Variants in PLXNA1 observed in about 807,000 individuals in gnomAD.
The protein encoded by PLXNA1 is plexin-A1.
A neutral mutation model predicts 191.7 loss-of-function variants in PLXNA1; 77 were observed. The ratio of observed to expected loss-of-function variants is 0.40; its 90% CI spans 0.33 to 0.49. The LOEUF (loss-of-function observed/expected upper bound fraction) is 0.49. Ranked by LOEUF, PLXNA1 falls within the 20% of genes least tolerant of loss-of-function variation. PLXNA1 has a pLI of 0.63. For synonymous variants in PLXNA1, 1,137 were observed against 1,156.4 expected, an observed-to-expected ratio of 0.98 and a Z score of 0.34; for missense variants, 2,110 against 2,660.2, an observed-to-expected ratio of 0.79 and a Z score of 4.55.
At chr3:127,003,251 C>A in intron 3 of PLXNA1, 79 bp from the exon 4 acceptor site, 1 of 1,467,876 alleles carries the variant, frequency 6.8e-7, no homozygotes. Flanking sequence ...GGGCTTTAGA[C>A]CCCTGACCTT....
Position 127,014,358 on chromosome 3 carries a change from G to A in PLXNA1, c.2587G>A (p.Asp863Asn), listed in dbSNP as rs367569800. Residue 863 changes from aspartate to asparagine, a missense_variant, in exon 12 of 32, where the codon GAC becomes AAC. Coordinates refer to ENST00000393409, the MANE Select transcript of PLXNA1 (RefSeq NM_032242.4). ...HARHGSSRCT[D>N]PKILKLSPET... ...GCGTCACGGCAGCAGTCGCTGCACC[G>A]ACCCCAAGATCCTCAAGGTAGGGCC... 136 of 1,592,988 alleles carry A rather than the reference G, an allele frequency of 8.5e-5. 1 individual carries two copies. The highest frequency in any genetic ancestry group is 5.3e-4 in the South Asian group (47 of 89,450).
At chr3:127,028,152 G>A (rs774241636) in intron 24 of PLXNA1, 29 bp from the exon 25 acceptor site, 53 of 1,612,930 alleles carry the variant, frequency 3.3e-5, no homozygotes, top group Middle Eastern at 1.6e-4. Context: ...TGGGGCTGAC[G>A]CTGCCCCCTT....
At chr3:127,020,588 T>C (rs924811054) in intron 21 of PLXNA1, among the ~76,000 whole-genome samples, 1 of 152,110 alleles carries the variant, frequency 6.6e-6, no homozygotes, top group Non-Finnish European at 1.5e-5. Flanking sequence ...CCAGCACGGC[T>C]CTGCTCCATA....
intron 21 of PLXNA1, 82 bp downstream of exon 21, chr3:127,020,426 G>A (rs2079146674): frequency 9.8e-6 from 15 of 1,537,282 alleles, no homozygotes; most frequent in Non-Finnish European, 1.3e-5. Flanking sequence ...GGGTGCTGAT[G>A]GATGGTATGG....
At chr3:127,004,001 C>T (rs773792423) in intron 4 of PLXNA1, among the ~76,000 whole-genome samples, 2 of 152,266 alleles carry the variant, frequency 1.3e-5, no homozygotes, top group East Asian at 3.9e-4. Flanking sequence ...ATGGCCCAAC[C>T]TGGTAACCTC....
chr3:127,006,141 G>A lies in PLXNA1; in HGVS notation c.1960G>A (p.Val654Met). 1 of 1,613,812 alleles carries A rather than the reference G, an allele frequency of 6.2e-7. No individual in the cohort carries two copies. The highest frequency in any genetic ancestry group is 8.5e-7 in the Non-Finnish European group (1 of 1,179,986). ...SKETGKKFAS[V>M]DFVFYNCSVH... ...GGAGACAGGGAAGAAGTTTGCGTCT[G>A]TGGACTTCGTCTTCTACAACTGCAG... Residue 654 changes from valine to methionine, a missense_variant, in exon 8 of 32, where the codon GTG becomes ATG. By Grantham distance (21) the Val-to-Met change is conservative. This residue lies in a region of PLXNA1 where 903 missense variants were observed against 1,015.7 expected (regional missense o/e 0.89). Transcript: ENST00000393409.
Position 127,016,615 on chromosome 3 carries a change from C to G in PLXNA1, c.3113C>G (p.Pro1038Arg), listed in dbSNP as rs757810446. The G allele has an allele frequency of 6.2e-7, 1 of 1,614,072 alleles. No homozygotes were observed. Among genetic ancestry groups the G allele is most frequent in the East Asian group, 2.2e-5 (1 of 44,868 alleles). Reference sequence around the variant, plus strand: ...ATCAACCGCGCCCAGCTCACCAACCCTGAGGTGAAGTACAACTACACCGAG... The same window carrying G: ...ATCAACCGCGCCCAGCTCACCAACCGTGAGGTGAAGTACAACTACACCGAG... ...ININRAQLTN[P>R]EVKYNYTEDP... Residue 1038 changes from proline (P) to arginine (R), a missense_variant, in exon 16 of 32, where the codon CCT becomes CGT. Coordinates refer to ENST00000393409, the MANE Select transcript of PLXNA1 (RefSeq NM_032242.4).
At chr3:126,984,417 G>C (rs1256770120) in intron 1 of PLXNA1, among the ~76,000 whole-genome samples, 1 of 152,234 alleles carries the variant, frequency 6.6e-6, no homozygotes, top group East Asian at 1.9e-4. Context: ...TCGGTGCAGG[G>C]ATGGGGCGCA....
chr3:126,997,278 C>T (rs1252488302), intron 3 of PLXNA1, among the ~76,000 whole-genome samples: 1 of 152,184 alleles, frequency 6.6e-6, no homozygotes, highest in South Asian at 2.1e-4. Context: ...GGGGTTTCAG[C>T]CTGGGAGCAA....
intron 1 of PLXNA1, among the ~76,000 whole-genome samples, chr3:126,986,779 A>C (rs1367157333): frequency 6.6e-6 from 1 of 152,190 alleles, no homozygotes; most frequent in Non-Finnish European, 1.5e-5. Context: ...AGGGGCACAG[A>C]GGCCTGGGGG....
chr3:126,983,297 G>T lies in PLXNA1; in HGVS notation c.-74+10G>T, dbSNP rs1406951028. ...CGCCCCGGGGCGGCGGGTGAGTCGG[G>T]GCGCAACTTTCCCCGCGGCGCGGGA... On this transcript the variant is annotated intron_variant, in intron 1 of 31. Transcript: ENST00000393409. 6.9e-6 allele frequency among the ~76,000 whole-genome samples: 1 copy of T among 144,494 alleles called. No homozygotes were observed. Among genetic ancestry groups the T allele is most frequent in the Non-Finnish European group, 1.5e-5 (1 of 65,062 alleles). 94.8% of individuals were successfully genotyped at this position (144,494 alleles called of 152,430 possible).
Position 126,983,665 on chromosome 3 carries a change from G to C in PLXNA1, c.-74+378G>C, listed in dbSNP as rs1396722545. Among the ~76,000 whole-genome samples the C allele has an allele frequency of 1.1e-4, 16 of 150,782 alleles. No homozygotes were observed. In the East Asian group the frequency reaches 3.1e-3, roughly 30 times the overall value. On this transcript the variant is annotated intron_variant, in intron 1 of 31. Coordinates refer to ENST00000393409, the MANE Select transcript of PLXNA1 (RefSeq NM_032242.4). ...CCGCGGCAGCTCCGGGGTGGCGGGGGGCGGGCGCTGCCCCTCCACGGAGGC... is the reference window on the plus strand; with the variant it reads ...CCGCGGCAGCTCCGGGGTGGCGGGGCGCGGGCGCTGCCCCTCCACGGAGGC...
rs773809530 is a variant in PLXNA1, at chr3:127,004,699, T to C, written c.1607T>C (p.Val536Ala). 6.3e-7 allele frequency: 1 copy of C among 1,588,564 alleles called. No homozygotes were observed. The highest frequency in any genetic ancestry group is 1.8e-5 in the Admixed American group (1 of 55,606). ...CGGGACCCCCACTGTGGCTGGTGTG[T>C]CCTGCACAGCATGTGAGTCTGGGCA... is the stretch of plus-strand genomic sequence containing the variant. The part of the protein sequence containing the change: ...GSRDPHCGWC[V>A]LHSICSRRDA... The change falls in exon 5 of 32, where the codon GTC becomes GCC. Residue 536 changes from valine to alanine, a missense_variant. Val to Ala is a moderately conservative substitution (Grantham distance 64, BLOSUM62 0). Transcript: ENST00000393409.
Position 127,017,827 on chromosome 3 carries a change from C to T in PLXNA1, c.3595C>T (p.Leu1199Phe), listed in dbSNP as rs774152563. Residue 1199 changes from leucine to phenylalanine, a missense_variant, in exon 19 of 32, where the codon CTC becomes TTC. Physicochemically the swap from Leu to Phe is conservative, Grantham distance 22. Transcript: ENST00000393409. Reference sequence around the variant, plus strand: ...GCTCATCGGCTCCACACCCTGTACCCTCACCGTGTCGGAGACGCAACTGCT... The same window carrying T: ...GCTCATCGGCTCCACACCCTGTACCTTCACCGTGTCGGAGACGCAACTGCT... ...TVLIGSTPCT[L>F]TVSETQLLCE... 10 of 1,613,080 alleles carry T rather than the reference C, an allele frequency of 6.2e-6. No homozygotes were observed. The South Asian group carries it at 1.1e-4, about 18-fold the overall frequency.
At chr3:127,020,929 C>T (rs771836672) in intron 21 of PLXNA1, among the ~76,000 whole-genome samples, 2 of 152,170 alleles carry the variant, frequency 1.3e-5, no homozygotes, top group Non-Finnish European at 2.9e-5. Flanking sequence ...ACCTTGGCAG[C>T]GAGCCTGGCG....
chr3:127,009,734 G>T (rs564966574), intron 9 of PLXNA1, among the ~76,000 whole-genome samples: 1 of 152,270 alleles, frequency 6.6e-6, no homozygotes, highest in African/African-American at 2.4e-5. Flanking sequence ...CCCTTCTTGT[G>T]CCTGCCTGCA....
rs1209727730 is a variant in PLXNA1, at chr3:126,989,196, G to A, written c.603G>A (p.Leu201=). 2 of 1,613,460 alleles carry A rather than the reference G, an allele frequency of 1.2e-6. No homozygotes were observed. The highest frequency in any genetic ancestry group is 2.7e-5 in the African/African-American group (2 of 74,954). The change falls in exon 2 of 32, where the codon CTG becomes CTA. Residue 201 remains leucine (L), a synonymous_variant. Transcript: ENST00000393409. ...IDGKSEYFPT[L]SSRRLMANEE... ...GCAAGTCCGAGTACTTCCCCACACT[G>A]TCCAGCCGTCGGCTCATGGCCAACG...
At chr3:126,987,845 G>A (rs2078967391) in intron 1 of PLXNA1, among the ~76,000 whole-genome samples, 1 of 152,156 alleles carries the variant, frequency 6.6e-6, no homozygotes, top group Non-Finnish European at 1.5e-5. Flanking sequence ...AGGTCTCAAG[G>A]TTTATCCAGC....
At position 127,019,478 on chromosome 3, in the gene PLXNA1, T is replaced by G. The variant is rs73196562; in HGVS notation, c.3896-724T>G. 7.1e-3 allele frequency among the ~76,000 whole-genome samples: 1,080 copies of G among 152,284 alleles called. 9 individuals carry two copies. Among genetic ancestry groups the G allele is most frequent in the Non-Finnish European group, 0.012 (787 of 68,010 alleles). ...TGCTCCCGCCTGCTGAGGCTGGCTG[T>G]CTGGCGAGGCTGGCGTGTGTGGATG... On this transcript the variant is annotated intron_variant, in intron 20 of 31. Transcript: ENST00000393409.
Sources: gnomAD v4.1 joint callset for allele counts (sites outside exome capture counted in the v4.1 genomes callset) on GRCh38, gnomAD v4.1.1 for gene constraint, gnomAD v4.1.1 regional missense constraint, MANE v1.5 for transcripts, NCBI Gene and HGNC (gene_info 2026-07-23, HGNC 2026-07-21) for gene names.